The following DNAH14 variants were observed in gnomAD, a reference collection of about 807,000 sequenced individuals.
DNAH14 encodes the protein dynein axonemal heavy chain 14, also known as axonemal beta dynein heavy chain 14.
Under a neutral mutation model 520.9 loss-of-function variants are expected in DNAH14, and 478 were observed. The observed-to-expected ratio is 0.92, with a 90% confidence interval of 0.85 to 0.99. DNAH14 has a LOEUF of 0.99. Among genes scored for constraint, DNAH14 ranks in the 50% least tolerant of loss-of-function variants. The pLI is 0.00. For synonymous variants in DNAH14, 1,581 were observed against 1,757.2 expected, an observed-to-expected ratio of 0.90 and a Z score of 2.51; for missense variants, 4,831 against 5,234.5, an observed-to-expected ratio of 0.92 and a Z score of 2.38.
chr1:224,968,626 C>T (rs1393533498), intron 6 of DNAH14, 133 bp from the exon 7 acceptor site: 1 of 565,028 alleles, frequency 1.8e-6, no homozygotes, highest in Non-Finnish European at 3.0e-6. Context: ...AGGATTCATA[C>T]ATAGAAAAAG....
chr1:225,337,199 C>T (rs2095075752), intron 66 of DNAH14, 67 bp from the exon 67 acceptor site: 3 of 1,232,746 alleles, frequency 2.4e-6, no homozygotes, highest in African/African-American at 1.5e-5. Context: ...TCTTTTAGTA[C>T]CCTGTAGGAT....
intron 8 of DNAH14, among the ~76,000 whole-genome samples, chr1:225,002,543 C>T (rs1028787646): frequency 9.2e-5 from 14 of 152,066 alleles, no homozygotes; most frequent in Admixed American, 3.3e-4. Context: ...AACAGAATGT[C>T]ATTACTTGTT....
chr1:224,973,710 A>G (rs937243580), intron 7 of DNAH14, among the ~76,000 whole-genome samples: 5 of 152,178 alleles, frequency 3.3e-5, no homozygotes, highest in African/African-American at 7.2e-5. Flanking sequence ...CAGACTTTTT[A>G]TCAATGTACC....
At chr1:225,264,551 A>C (rs985279684) in intron 47 of DNAH14, among the ~76,000 whole-genome samples, 3 of 152,118 alleles carry the variant, frequency 2.0e-5, no homozygotes, top group Non-Finnish European at 4.4e-5. Flanking sequence ...ACTAAAGGCA[A>C]TATCTGTCTA....
chr1:225,050,094 TA>T, intron 15 of DNAH14, 115 bp from the exon 16 acceptor site: 1 of 847,092 alleles, frequency 1.2e-6, no homozygotes, highest in Non-Finnish European at 1.7e-6. Flanking sequence ...GAATATTGTC[TA>T]ACCCTCATAA....
At position 225,197,134 on chromosome 1, in the gene DNAH14, GT is replaced by G. The variant is rs560868132; in HGVS notation, c.5886+4229del. On this transcript the variant is annotated intron_variant, in intron 38 of 85. Transcript: ENST00000682510. ...CTTGCCTAAGCCAATGTCTAGAAGG[GT>G]TTTTTCAATGATATTTTGTAGAATT... Among the ~76,000 whole-genome samples, 438 of 152,022 alleles carry G rather than the reference GT, an allele frequency of 2.9e-3. 1 individual carries two copies. The highest frequency in any genetic ancestry group is 6.8e-3 in the Middle Eastern group (2 of 294).
rs778110206 is a variant in DNAH14, at chr1:225,353,888, G to A, written c.11619G>A (p.Leu3873=). The A allele has an allele frequency of 2.1e-5, 30 of 1,430,648 alleles. 1 individual carries two copies. Among genetic ancestry groups the A allele is most frequent in the Middle Eastern group, 1.7e-4 (1 of 5,748 alleles). The allele number at this position is 1,430,648 out of a possible 1,614,324, so 88.6% of individuals were successfully genotyped here. The part of the protein sequence containing the change: ...EKLTSFQRLI[L]VKVLRPESLN... ...TCACTTCATTTCAAAGACTTATTTT[G>A]GTAAGATATCTTATGAGGAAATATT... The change falls in exon 73 of 86, where the codon TTG becomes TTA. Residue 3873 remains leucine (L), a splice_region_variant and synonymous_variant. Coordinates refer to ENST00000682510, the MANE Select transcript of DNAH14 (RefSeq NM_001367479.1).
At chr1:225,270,237 C>T (rs1182959326) in intron 49 of DNAH14, among the ~76,000 whole-genome samples, 1 of 145,930 alleles carries the variant, frequency 6.9e-6, no homozygotes, top group East Asian at 2.1e-4. Context: ...AAACCAAACA[C>T]CGCATGTTCT....
intron 84 of DNAH14, among the ~76,000 whole-genome samples, chr1:225,393,692 T>C (rs2095953614): frequency 6.6e-6 from 1 of 152,142 alleles, no homozygotes; most frequent in African/African-American, 2.4e-5. Context: ...TCAATGTGGT[T>C]GTACCAATCC....
chr1:225,048,631 C>T (rs2068186560), intron 15 of DNAH14, among the ~76,000 whole-genome samples: 1 of 152,132 alleles, frequency 6.6e-6, no homozygotes, highest in South Asian at 2.1e-4. Context: ...TGGGTTGTCT[C>T]CAGTTTGGGG....
At chr1:225,307,691 T>C (rs1003579797) in intron 59 of DNAH14, 122 bp downstream of exon 59, 6 of 644,212 alleles carry the variant, frequency 9.3e-6, no homozygotes, top group Admixed American at 7.7e-5. Flanking sequence ...ACCCTATAGT[T>C]GTGTACACAT....
At chr1:225,345,293 G>C (rs953138134) in intron 69 of DNAH14, among the ~76,000 whole-genome samples, 9 of 152,102 alleles carry the variant, frequency 5.9e-5, no homozygotes, top group Non-Finnish European at 1.0e-4. Flanking sequence ...ATGTGTCCAA[G>C]GGCAAGAATC....
intron 55 of DNAH14, among the ~76,000 whole-genome samples, chr1:225,296,248 C>T (rs79280404): frequency 0.049 from 7,526 of 152,060 alleles, 291 homozygotes; most frequent in Non-Finnish European, 0.073. Flanking sequence ...AAAATAGAGA[C>T]GAGGTCTCAC....
At chr1:225,180,631 T>G (rs1226999712) in intron 36 of DNAH14, among the ~76,000 whole-genome samples, 1 of 152,124 alleles carries the variant, frequency 6.6e-6, no homozygotes, top group East Asian at 1.9e-4. Flanking sequence ...CATTAATCTA[T>G]TCATGAAGGA....
At chr1:225,296,176 G>C (rs1368554785) in intron 55 of DNAH14, among the ~76,000 whole-genome samples, 3 of 152,022 alleles carry the variant, frequency 2.0e-5, no homozygotes, top group Non-Finnish European at 4.4e-5. Flanking sequence ...GTTGGGTCTT[G>C]TTTTTCATCC....
intron 73 of DNAH14, among the ~76,000 whole-genome samples, chr1:225,357,508 G>A (rs1302818937): frequency 6.6e-6 from 1 of 152,118 alleles, no homozygotes; most frequent in Non-Finnish European, 1.5e-5. Context: ...TTCACTCAAC[G>A]ATTCTAACAC....
chr1:225,289,749 C>A (rs2093823727), intron 54 of DNAH14, 136 bp from the exon 55 acceptor site: 1 of 525,174 alleles, frequency 1.9e-6, no homozygotes, highest in African/African-American at 2.0e-5. Context: ...TAATATGACT[C>A]CCAAAAGGTT....
At chr1:225,069,548 T>G (rs770326087) in intron 17 of DNAH14, among the ~76,000 whole-genome samples, 6 of 152,232 alleles carry the variant, frequency 3.9e-5, no homozygotes, top group Non-Finnish European at 8.8e-5. Flanking sequence ...ATCTTGGGGA[T>G]GAAGCCTACT....
At chr1:224,989,204 C>T (rs899818965) in intron 8 of DNAH14, among the ~76,000 whole-genome samples, 4 of 152,188 alleles carry the variant, frequency 2.6e-5, no homozygotes, top group Non-Finnish European at 4.4e-5. Flanking sequence ...AAATACCTCA[C>T]AGAAACACCC....
Sources: allele counts gnomAD v4.1 joint callset (sites outside exome capture counted in the v4.1 genomes callset), GRCh38; gene constraint gnomAD v4.1.1; transcripts MANE v1.5; gene names NCBI Gene and HGNC (gene_info 2026-07-23, HGNC 2026-07-21).